The following DROSHA variants were observed in gnomAD, a reference collection of about 807,000 sequenced individuals.
The protein encoded by DROSHA is ribonuclease 3.
Under a neutral mutation model 181.9 loss-of-function variants are expected in DROSHA, and 56 were observed. The observed-to-expected ratio is 0.31, with a 90% CI of 0.25 to 0.38. The LOEUF (loss-of-function observed/expected upper bound fraction) is 0.38. Among genes scored for constraint, DROSHA ranks in the 10% least tolerant of loss-of-function variants. The probability of loss-of-function intolerance (pLI) is 1.00; values close to 1 mark genes in which losing one functional copy is unlikely to be tolerated. For missense variants in DROSHA, 1,218 were observed against 1,743.5 expected (o/e 0.70, Z 5.37); for synonymous variants, 524 against 591.2 (o/e 0.89, Z 1.65).
intron 12 of DROSHA, among the ~76,000 whole-genome samples, chr5:31,493,959 G>GTGTT: frequency 6.8e-6 from 1 of 146,444 alleles, no homozygotes; most frequent in Non-Finnish European, 1.5e-5. Context: ...GTGTGTGTGT[G>GTGTT]TGTGTGTGTG....
chr5:31,483,405 A>T (rs1751269625), intron 16 of DROSHA, 149 bp downstream of exon 16: 1 of 723,930 alleles, frequency 1.4e-6, no homozygotes, highest in African/African-American at 1.8e-5. Flanking sequence ...ATCCACATGT[A>T]TAATTTTACA....
chr5:31,487,296 G>A, intron 13 of DROSHA, among the ~76,000 whole-genome samples: 1 of 152,182 alleles, frequency 6.6e-6, no homozygotes, highest in South Asian at 2.1e-4. Context: ...TTAGCCACTA[G>A]AGTATACCCC....
At chr5:31,502,532 C>CA (rs1365152862) in intron 11 of DROSHA, among the ~76,000 whole-genome samples, 4 of 152,306 alleles carry the variant, frequency 2.6e-5, no homozygotes, top group Middle Eastern at 3.4e-3. Context: ...TCAATCCCAC[C>CA]AGGCAATACA....
intron 23 of DROSHA, among the ~76,000 whole-genome samples, chr5:31,440,465 C>T (rs1057362928): frequency 6.6e-6 from 1 of 152,154 alleles, no homozygotes; most frequent in African/African-American, 2.4e-5. Context: ...TTTCACTTAT[C>T]GCATTAGTAA....
intron 10 of DROSHA, 51 bp from the exon 11 acceptor site, chr5:31,504,686 C>A: frequency 6.3e-7 from 1 of 1,596,580 alleles, no homozygotes; most frequent in Non-Finnish European, 8.6e-7. Context: ...AAATCCACAC[C>A]ATGCACGGTG....
rs1385138002 is a variant in DROSHA at position 31,493,443 on chromosome 5, G to C, written c.1756-150C>G. ...CTTTATACAAAGTTTAATTTTACAT[G>C]AAATTATCCGGCTTCAGATAGTAAG... is the stretch of plus-strand genomic sequence containing the variant. On this transcript the variant is annotated intron_variant, in intron 12 of 35. Coordinates refer to ENST00000344624, the MANE Select transcript of DROSHA (RefSeq NM_001382508.1). 4.1e-5 allele frequency: 25 copies of C among 616,906 alleles called. 1 individual carries two copies. Among genetic ancestry groups the C allele is most frequent in the Non-Finnish European group, 3.5e-5 (13 of 372,744 alleles). 38.2% of individuals were successfully genotyped at this position (616,906 alleles called of 1,614,324 possible).
At chr5:31,431,408 T>C (rs1488343686) in intron 26 of DROSHA, among the ~76,000 whole-genome samples, 168 bp downstream of exon 26, 2 of 143,326 alleles carry the variant, frequency 1.4e-5, no homozygotes, top group African/African-American at 5.1e-5. Context: ...TTCACTGCTC[T>C]GAAGGAACTG....
At chr5:31,406,043 CTG>C (rs954406244) in intron 34 of DROSHA, among the ~76,000 whole-genome samples, 5 of 151,842 alleles carry the variant, frequency 3.3e-5, no homozygotes, top group African/African-American at 1.2e-4. Flanking sequence ...AATACCCTCA[CTG>C]TAAAGTTTAA....
intron 14 of DROSHA, 21 bp from the exon 15 acceptor site, chr5:31,484,983 A>C: frequency 5.9e-6 from 9 of 1,526,182 alleles, no homozygotes; most frequent in Non-Finnish European, 7.9e-6. Flanking sequence ...AACCAAAATT[A>C]AATTACTGTA....
intron 20 of DROSHA, among the ~76,000 whole-genome samples, chr5:31,452,064 T>A (rs1026301968): frequency 2.6e-5 from 4 of 152,236 alleles, no homozygotes; most frequent in African/African-American, 9.6e-5. Flanking sequence ...CTATCAGTAT[T>A]CAGCAGGGTA....
chr5:31,503,398 G>C (rs1179848420), intron 11 of DROSHA, among the ~76,000 whole-genome samples: 1 of 152,168 alleles, frequency 6.6e-6, no homozygotes, highest in Non-Finnish European at 1.5e-5. Flanking sequence ...CCTGCCTACA[G>C]GTCCCTAGCT....
chr5:31,439,021 T>C (rs1019287698), intron 23 of DROSHA, among the ~76,000 whole-genome samples: 1 of 152,132 alleles, frequency 6.6e-6, no homozygotes, highest in Non-Finnish European at 1.5e-5. Context: ...AGACCACTAA[T>C]TCAGTCCTGT....
intron 30 of DROSHA, among the ~76,000 whole-genome samples, chr5:31,419,313 T>C (rs1184042819): frequency 6.6e-6 from 1 of 152,236 alleles, no homozygotes; most frequent in Non-Finnish European, 1.5e-5. Context: ...TCTGTGAATA[T>C]AATTCAAAAA....
chr5:31,482,006 A>C (rs1751082092), intron 16 of DROSHA, among the ~76,000 whole-genome samples: 1 of 152,120 alleles, frequency 6.6e-6, no homozygotes, highest in Admixed American at 6.5e-5. Context: ...AGGAAGCCAG[A>C]CTCCGACAGG....
chr5:31,486,635 T>C (rs1034568195), intron 13 of DROSHA, 73 bp from the exon 14 acceptor site: 97 of 1,391,646 alleles, frequency 7.0e-5, no homozygotes, highest in Non-Finnish European at 9.3e-5. Context: ...GTTTGTTACC[T>C]GACCCAAAAG....
At chr5:31,454,304 A>G (rs763858901) in intron 20 of DROSHA, among the ~76,000 whole-genome samples, 1 of 152,334 alleles carries the variant, frequency 6.6e-6, no homozygotes. Context: ...TGCAAGGTAG[A>G]AGCCCTACAA....
At chr5:31,497,944 C>G (rs1049156219) in intron 11 of DROSHA, among the ~76,000 whole-genome samples, 2 of 152,214 alleles carry the variant, frequency 1.3e-5, no homozygotes, top group Non-Finnish European at 1.5e-5. Flanking sequence ...ATGACCAAGT[C>G]ACCAGGAGGG....
intron 16 of DROSHA, among the ~76,000 whole-genome samples, chr5:31,480,603 CA>C (rs1750922756): frequency 6.6e-6 from 1 of 151,932 alleles, no homozygotes. Context: ...ATAGTTCAAC[CA>C]AAAGTTTACT....
At chr5:31,517,956 G>A (rs141917009) in intron 6 of DROSHA, among the ~76,000 whole-genome samples, 11 of 152,064 alleles carry the variant, frequency 7.2e-5, no homozygotes, top group Non-Finnish European at 7.4e-5. Context: ...CTGAAGTTAC[G>A]TTAAAATTAT....
Sources: allele counts gnomAD v4.1 joint callset (sites outside exome capture counted in the v4.1 genomes callset), GRCh38; gene constraint gnomAD v4.1.1; transcripts MANE v1.5; gene names NCBI Gene and HGNC (gene_info 2026-07-23, HGNC 2026-07-21).